The following IPCEF1 variants were observed in gnomAD, a reference collection of about 807,000 sequenced individuals.
IPCEF1 encodes interactor protein for cytohesin exchange factors 1.
Under a neutral mutation model 50.9 loss-of-function variants are expected in IPCEF1, and 31 were observed. The observed-to-expected ratio is 0.61, with a 90% CI of 0.46 to 0.82. IPCEF1 has a LOEUF of 0.82. Ranked by LOEUF, IPCEF1 falls within the 40% of genes least tolerant of loss-of-function variation. The pLI is 0.00. For missense variants in IPCEF1, 458 were observed against 514.0 expected, an observed-to-expected ratio of 0.89 and a Z score of 1.05; for synonymous variants, 181 against 192.0, an observed-to-expected ratio of 0.94 and a Z score of 0.47.
intron 10 of IPCEF1, among the ~76,000 whole-genome samples, chr6:154,199,410 C>G (rs1344432312): frequency 6.6e-6 from 1 of 150,826 alleles, no homozygotes; most frequent in Non-Finnish European, 1.5e-5. Flanking sequence ...GGAAAAGTAT[C>G]ATTATTTTAT....
At chr6:154,321,743 G>T (rs906096184) in intron 1 of IPCEF1, among the ~76,000 whole-genome samples, 26 of 130,046 alleles carry the variant, frequency 2.0e-4, no homozygotes, top group Non-Finnish European at 2.9e-4. Flanking sequence ...TCGCACCATT[G>T]CATTTCAGCC....
At chr6:154,304,058 T>C (rs1534446) in intron 1 of IPCEF1, among the ~76,000 whole-genome samples, 2 of 147,242 alleles carry the variant, frequency 1.4e-5, no homozygotes, top group Non-Finnish European at 2.9e-5. Flanking sequence ...GATCCCACTT[T>C]TGTAAAAAAA....
At chr6:154,312,841 C>T (rs1174338148) in intron 1 of IPCEF1, among the ~76,000 whole-genome samples, 1 of 151,992 alleles carries the variant, frequency 6.6e-6, no homozygotes, top group African/African-American at 2.4e-5. Context: ...ACAATGTACA[C>T]ATATTTCAAA....
rs1776933414 is a variant in IPCEF1 at position 154,200,007 on chromosome 6, G to A, written c.571C>T (p.Leu191=). ...GAGAAAGAATACGACGTTCCACTCA[G>A]GCTGGGTGAGGATGAAGATGCCTGC... The part of the protein sequence containing the change: ...AQQASSSSPS[L]SGTSYSFSSL... The change falls in exon 10 of 12, where the codon CTG becomes TTG. Residue 191 remains leucine, a synonymous_variant. Coordinates refer to ENST00000367220, the MANE Select transcript of IPCEF1 (RefSeq NM_001130700.2). The A allele has an allele frequency of 1.2e-6, 2 of 1,613,866 alleles. No homozygotes were observed. The highest frequency in any genetic ancestry group is 1.7e-6 in the Non-Finnish European group (2 of 1,179,918).
At chr6:154,275,019 C>T (rs546683729) in intron 2 of IPCEF1, among the ~76,000 whole-genome samples, 3 of 152,156 alleles carry the variant, frequency 2.0e-5, no homozygotes, top group African/African-American at 7.2e-5. Flanking sequence ...AGGGGTCCTA[C>T]AATGCATATT....
chr6:154,316,511 G>A (rs72560305), intron 1 of IPCEF1, among the ~76,000 whole-genome samples: 9,838 of 152,186 alleles, frequency 0.065, 685 homozygotes, highest in East Asian at 0.33. Context: ...CATGAAATAA[G>A]CCAGACACAG....
intron 11 of IPCEF1, among the ~76,000 whole-genome samples, 160 bp downstream of exon 11, chr6:154,167,760 G>A (rs1799552314): frequency 6.6e-6 from 1 of 152,188 alleles, no homozygotes; most frequent in Non-Finnish European, 1.5e-5. Flanking sequence ...AGTGCTTTAA[G>A]AACGTCAAGA....
rs1781120763 is a variant in IPCEF1 at position 154,247,146 on chromosome 6, T to TA, written c.76+302dup. 4 of 425,412 alleles carry TA rather than the reference T, an allele frequency of 9.4e-6. No homozygotes were observed. In the South Asian group the frequency reaches 1.9e-4, roughly 20 times the overall value. The allele number at this position is 425,412 out of a possible 1,614,324, so 26.4% of individuals were successfully genotyped here. On this transcript the variant is annotated intron_variant, in intron 4 of 11. Coordinates refer to ENST00000367220, the MANE Select transcript of IPCEF1 (RefSeq NM_001130700.2). ...GCAGTAACATAGCTCCTCTCAACAA[T>TA]AACAGCCGTAGTTATGCAATAGATG...
intron 10 of IPCEF1, among the ~76,000 whole-genome samples, chr6:154,184,209 G>T (rs1199767595): frequency 6.6e-6 from 1 of 151,816 alleles, no homozygotes; most frequent in Admixed American, 6.6e-5. Flanking sequence ...AAAAAAAATA[G>T]CTGTATCAGC....
rs962706307 is a variant in IPCEF1, at chr6:154,158,820, T to G, written c.*1008A>C. The G allele has an allele frequency of 6.6e-6, 1 of 152,210 alleles. No homozygotes were observed. The highest frequency in any genetic ancestry group is 1.5e-5 in the Non-Finnish European group (1 of 68,028). 9.4% of individuals were successfully genotyped at this position (152,210 alleles called of 1,614,324 possible). On this transcript the variant is annotated 3_prime_UTR_variant, in exon 12 of 12. Coordinates refer to ENST00000367220, the MANE Select transcript of IPCEF1 (RefSeq NM_001130700.2). ...TATAAATATATTTAAATAACAAACA[T>G]AGCTATTCACATAGCACACAAGTGA... is the stretch of plus-strand genomic sequence containing the variant.
intron 5 of IPCEF1, among the ~76,000 whole-genome samples, chr6:154,244,170 A>G (rs1780827291): frequency 6.6e-6 from 1 of 152,176 alleles, no homozygotes; most frequent in Admixed American, 6.6e-5. Context: ...TTGACAGGAC[A>G]TGCTTGGGTC....
At chr6:154,288,676 C>CAAAAAAAAAAAAAAA (rs558703057) in intron 2 of IPCEF1, among the ~76,000 whole-genome samples, 17 of 46,916 alleles carry the variant, frequency 3.6e-4, no homozygotes, top group Admixed American at 6.4e-4. Context: ...ACAAAAAAAA[C>CAAAAAAAAAAAAAAA]AAAAAAAAAA....
At chr6:154,265,285 TG>T (rs1395952428) in intron 3 of IPCEF1, among the ~76,000 whole-genome samples, 10 of 152,052 alleles carry the variant, frequency 6.6e-5, no homozygotes, top group East Asian at 1.9e-4. Context: ...ATTATTATTA[TG>T]TTTTTTTTTT....
intron 1 of IPCEF1, among the ~76,000 whole-genome samples, chr6:154,305,138 G>GA (rs1782899183): frequency 1.4e-5 from 2 of 145,566 alleles, no homozygotes; most frequent in African/African-American, 5.5e-5. Flanking sequence ...GAAAAGAAAA[G>GA]AAAGAAAGAA....
chr6:154,170,225 C>G (rs199576480), intron 10 of IPCEF1, among the ~76,000 whole-genome samples: 1 of 152,180 alleles, frequency 6.6e-6, no homozygotes, highest in Non-Finnish European at 1.5e-5. Context: ...AATGAGATTT[C>G]TTTTTCCACC....
At chr6:154,160,082 T>G (rs764369317) in intron 11 of IPCEF1, 42 bp from the exon 12 acceptor site, 1 of 1,440,890 alleles carries the variant, frequency 6.9e-7, no homozygotes, top group South Asian at 1.2e-5. Context: ...ATGTTGAGAG[T>G]GTCTTAATTT....
intron 5 of IPCEF1, among the ~76,000 whole-genome samples, chr6:154,245,404 C>T (rs1286969877): frequency 6.6e-6 from 1 of 152,036 alleles, no homozygotes; most frequent in African/African-American, 2.4e-5. Context: ...GTGCTTATTC[C>T]CAGCACTGGA....
At chr6:154,265,165 A>AT (rs1781722277) in intron 3 of IPCEF1, among the ~76,000 whole-genome samples, 1 of 152,214 alleles carries the variant, frequency 6.6e-6, no homozygotes, top group South Asian at 2.1e-4. Flanking sequence ...TTTTCCCTGC[A>AT]TAAGTTTCCT....
At chr6:154,191,721 C>T (rs923868525) in intron 10 of IPCEF1, among the ~76,000 whole-genome samples, 4 of 151,696 alleles carry the variant, frequency 2.6e-5, no homozygotes, top group Admixed American at 6.6e-5. Context: ...AAGAGTGAAC[C>T]CTAATGTAAA....
Sources: gnomAD v4.1 joint callset for allele counts (sites outside exome capture counted in the v4.1 genomes callset) on GRCh38, gnomAD v4.1.1 for gene constraint, MANE v1.5 for transcripts, NCBI Gene and HGNC (gene_info 2026-07-23, HGNC 2026-07-21) for gene names.